The following CDH4 variants were observed in gnomAD, a reference collection of about 807,000 sequenced individuals.
CDH4 encodes the protein cadherin 4.
CDH4 carries 33 observed loss-of-function variants against 86.0 expected under a neutral mutation model. That is an observed-to-expected ratio of 0.38 (90% CI 0.29 to 0.51). The LOEUF is 0.51. Ranked by LOEUF, CDH4 falls within the 20% of genes least tolerant of loss-of-function variation. The pLI is 0.86. For synonymous variants in CDH4, 555 were observed against 549.4 expected (o/e 1.01, Z -0.14); for missense variants, 1,114 against 1,307.4 (o/e 0.85, Z 2.28).
chr20:61,348,691 G>C (rs1426361079), intron 2 of CDH4, among the ~76,000 whole-genome samples: 1 of 152,176 alleles, frequency 6.6e-6, no homozygotes, highest in Non-Finnish European at 1.5e-5. Flanking sequence ...GGAGTTTATG[G>C]CCCTGGGCAG....
chr20:61,565,976 G>T (rs73914850), intron 2 of CDH4, among the ~76,000 whole-genome samples: 5 of 152,146 alleles, frequency 3.3e-5, no homozygotes, highest in Admixed American at 3.3e-4. Context: ...GAGGACCCTC[G>T]TCTTGTCCCC....
At chr20:61,521,382 G>T (rs2085867824) in intron 2 of CDH4, among the ~76,000 whole-genome samples, 1 of 152,162 alleles carries the variant, frequency 6.6e-6, no homozygotes, top group African/African-American at 2.4e-5. Context: ...GAGGAGGAGA[G>T]CGAGTTTGTA....
In CDH4 at chr20:61,518,103, G is replaced by A. The variant is rs941281526; in HGVS notation, c.170-225460G>A. 3.3e-5 allele frequency among the ~76,000 whole-genome samples: 5 copies of A among 152,206 alleles called. No homozygotes were observed. The highest frequency in any genetic ancestry group is 1.2e-4 in the African/African-American group (5 of 41,458). On this transcript the variant is annotated intron_variant, in intron 2 of 15. Coordinates refer to ENST00000614565, the MANE Select transcript of CDH4 (RefSeq NM_001794.5). The surrounding 1 kb of genome is among the most constrained non-coding windows in gnomAD (Gnocchi z 6.3). ...CCTCAGTTTTCTAAAGAATTTGCAA[G>A]AAATCATGACGCTACTGCAAGGGTT...
intron 4 of CDH4, among the ~76,000 whole-genome samples, chr20:61,823,266 GTGGTGA>G (rs1981139613): frequency 1.5e-3 from 1 of 646 alleles, no homozygotes; most frequent in Non-Finnish European, 3.0e-3. Flanking sequence ...GATGGTAATG[GTGGTGA>G]TGATGGTGTT....
At chr20:61,555,055 T>C (rs138058881) in intron 2 of CDH4, among the ~76,000 whole-genome samples, 31 of 152,304 alleles carry the variant, frequency 2.0e-4, no homozygotes, top group African/African-American at 7.2e-4. Flanking sequence ...CATATGTGAG[T>C]GTATCTGTAT....
At chr20:61,365,965 T>A (rs970782857) in intron 2 of CDH4, among the ~76,000 whole-genome samples, 1 of 152,190 alleles carries the variant, frequency 6.6e-6, no homozygotes, top group Admixed American at 6.5e-5. Flanking sequence ...TGGGAGATAA[T>A]TTAATGATAG....
intron 3 of CDH4, among the ~76,000 whole-genome samples, chr20:61,765,507 AACAG>A (rs932901833): frequency 7.9e-5 from 12 of 152,340 alleles, no homozygotes; most frequent in African/African-American, 2.6e-4. Context: ...GTCATCTGCA[AACAG>A]ACAGGCCGGG....
intron 2 of CDH4, among the ~76,000 whole-genome samples, chr20:61,610,008 C>T (rs2086672881): frequency 6.6e-6 from 1 of 152,158 alleles, no homozygotes; most frequent in African/African-American, 2.4e-5. Context: ...ATCATAATTC[C>T]TTCTGGCAAT....
Position 61,252,435 on chromosome 20 carries a change from G to C in CDH4, c.-79G>C. The C allele has an allele frequency of 4.8e-6, 3 of 630,838 alleles. No homozygotes were observed. Among genetic ancestry groups the C allele is most frequent in the Non-Finnish European group, 3.9e-6 (2 of 513,342 alleles). The allele number at this position is 630,838 out of a possible 1,614,324, so 39.1% of individuals were successfully genotyped here. Reference sequence around the variant, plus strand: ...CGGCGGCGGCGATCGGAGCGGCGGCGGTGGTCTCGGCGGCGGCGGCGGCGG... The same window carrying C: ...CGGCGGCGGCGATCGGAGCGGCGGCCGTGGTCTCGGCGGCGGCGGCGGCGG... On this transcript the variant is annotated 5_prime_UTR_variant, in exon 1 of 16. Coordinates refer to ENST00000614565, the MANE Select transcript of CDH4 (RefSeq NM_001794.5). The surrounding 1 kb of genome is among the most constrained non-coding windows in gnomAD (Gnocchi z 4.4).
At chr20:61,753,668 A>G (rs143402067) in intron 3 of CDH4, among the ~76,000 whole-genome samples, 109 of 152,348 alleles carry the variant, frequency 7.2e-4, no homozygotes, top group African/African-American at 2.5e-3. Flanking sequence ...AAAAGTGGCA[A>G]TAGGACCTGT....
At chr20:61,471,001 T>C (rs1434416138) in intron 2 of CDH4, among the ~76,000 whole-genome samples, 1 of 152,158 alleles carries the variant, frequency 6.6e-6, no homozygotes, top group African/African-American at 2.4e-5. Context: ...AGGCTTTCTT[T>C]TTTTGATGTA....
At chr20:61,346,731 G>A (rs961796587) in intron 2 of CDH4, among the ~76,000 whole-genome samples, 3 of 134,380 alleles carry the variant, frequency 2.2e-5, no homozygotes, top group Admixed American at 1.5e-4. Context: ...GTGACAGAGC[G>A]AGACTCTGTC....
intron 4 of CDH4, among the ~76,000 whole-genome samples, chr20:61,815,031 C>A (rs1432116670): frequency 6.6e-6 from 1 of 152,206 alleles, no homozygotes; most frequent in African/African-American, 2.4e-5. Flanking sequence ...TCCTGCCTGG[C>A]TTTCCGGGAA....
intron 2 of CDH4, among the ~76,000 whole-genome samples, chr20:61,551,950 C>T (rs550488914): frequency 1.9e-4 from 29 of 152,236 alleles, no homozygotes; most frequent in African/African-American, 7.0e-4. Context: ...GAAATTGGAC[C>T]CCTACCTCAC....
intron 2 of CDH4, among the ~76,000 whole-genome samples, chr20:61,730,295 T>C (rs1047734351): frequency 2.6e-5 from 4 of 152,162 alleles, no homozygotes; most frequent in Non-Finnish European, 4.4e-5. Context: ...GCTGCTTCCC[T>C]GCCTGAAAGT....
chr20:61,278,305 G>A (rs1032473967), intron 2 of CDH4, among the ~76,000 whole-genome samples: 1 of 152,218 alleles, frequency 6.6e-6, no homozygotes, highest in African/African-American at 2.4e-5. Context: ...AAATGTGCAG[G>A]AATCAAACTG....
intron 2 of CDH4, among the ~76,000 whole-genome samples, chr20:61,541,716 T>C (rs1056182554): frequency 1.3e-5 from 2 of 152,250 alleles, no homozygotes; most frequent in African/African-American, 4.8e-5. Flanking sequence ...TAGAATTTTA[T>C]GGCTTTTTCT....
At chr20:61,446,288 T>C (rs1276137689) in intron 2 of CDH4, among the ~76,000 whole-genome samples, 1 of 152,246 alleles carries the variant, frequency 6.6e-6, no homozygotes, top group Non-Finnish European at 1.5e-5. Context: ...TTTATTTATA[T>C]ATCTAAAAAT....
At chr20:61,867,835 T>C (rs146873339) in intron 6 of CDH4, among the ~76,000 whole-genome samples, 1 of 150,886 alleles carries the variant, frequency 6.6e-6, no homozygotes, top group East Asian at 2.0e-4. Flanking sequence ...CACGGGGGAG[T>C]GGGTGCGTAA....
Sources: gnomAD v4.1 joint callset for allele counts (sites outside exome capture counted in the v4.1 genomes callset) on GRCh38, gnomAD v4.1.1 for gene constraint, Gnocchi (gnomAD v3.1) non-coding constraint, MANE v1.5 for transcripts, NCBI Gene and HGNC (gene_info 2026-07-23, HGNC 2026-07-21) for gene names.